The following GMFG variants were observed in gnomAD, a reference collection of about 807,000 sequenced individuals.
GMFG encodes the protein glia maturation factor gamma.
In GMFG, 21 loss-of-function variants were observed where a neutral mutation model predicts 26.1. That is an observed-to-expected ratio of 0.80 (90% CI 0.57 to 1.16). The LOEUF (loss-of-function observed/expected upper bound fraction) is 1.16. Ranked by LOEUF, GMFG falls within the 50% of genes most tolerant of loss-of-function variation. GMFG has a pLI of 0.00. For synonymous variants in GMFG, 65 were observed against 60.8 expected (o/e 1.07, Z -0.32); for missense variants, 161 against 178.3 (o/e 0.90, Z 0.55).
intron 4 of GMFG, among the ~76,000 whole-genome samples, chr19:39,332,656 C>CTT (rs59277772): frequency 0.18 from 19,485 of 111,252 alleles, 3,348 homozygotes; most frequent in African/African-American, 0.35. Flanking sequence ...CACAGAGATT[C>CTT]TTTTTTTTTT....
At chr19:39,329,288 G>A (rs1431005364) in intron 5 of GMFG, among the ~76,000 whole-genome samples, 5 of 152,154 alleles carry the variant, frequency 3.3e-5, no homozygotes, top group Non-Finnish European at 1.5e-5. Flanking sequence ...GGGATTTCTA[G>A]GTGAAAGGAA....
At position 39,333,081 on chromosome 19, in the gene GMFG, G is replaced by T; in HGVS notation, c.196C>A (p.Pro66Thr). 6.3e-7 allele frequency: 1 copy of T among 1,599,142 alleles called. No individual in the cohort carries two copies. Among genetic ancestry groups the T allele is most frequent in the Non-Finnish European group, 8.6e-7 (1 of 1,168,978 alleles). The change falls in exon 4 of 7, where the codon CCC (proline) becomes ACC (threonine). Residue 66 changes from proline (P) to threonine (T), a missense_variant. Transcript: ENST00000597595. The stretch of plus-strand genomic sequence containing the variant: ...CCCTTTCTTCCCCCAGGATACCTGG[G>T]CTGTCTCTCCGGCAACTCCATTTTG... ...ELKMELPERQ[P>T]RFVVYSYKYV...
chr19:39,330,919 T>C (rs1406084717), intron 4 of GMFG, among the ~76,000 whole-genome samples: 1 of 151,268 alleles, frequency 6.6e-6, no homozygotes, highest in African/African-American at 2.4e-5. Context: ...AAAATTTTAG[T>C]AGAAATGGGG....
At chr19:39,333,289 A>T (rs901995365) in intron 3 of GMFG, among the ~76,000 whole-genome samples, 163 bp from the exon 4 acceptor site, 1 of 152,168 alleles carries the variant, frequency 6.6e-6, no homozygotes, top group African/African-American at 2.4e-5. Flanking sequence ...TACTAAAAAT[A>T]CAGAAAATTA....
At chr19:39,330,753 C>A (rs149716842) in intron 4 of GMFG, among the ~76,000 whole-genome samples, 115 of 152,170 alleles carry the variant, frequency 7.6e-4, no homozygotes, top group Non-Finnish European at 1.1e-3. Context: ...CGTGCCACCA[C>A]ATCCAGCTAA....
chr19:39,330,887 A>G (rs1252215579), intron 4 of GMFG, among the ~76,000 whole-genome samples: 1 of 152,062 alleles, frequency 6.6e-6, no homozygotes, highest in Non-Finnish European at 1.5e-5. Flanking sequence ...GGCATGAGCC[A>G]CTGCGCCTGG....
At chr19:39,333,030 ACCCCT>A in intron 4 of GMFG, 42 bp downstream of exon 4, 1 of 1,286,764 alleles carries the variant, frequency 7.8e-7, no homozygotes, top group Non-Finnish European at 1.1e-6. Flanking sequence ...CTCCAACATC[ACCCCT>A]CCCCTCATGG....
intron 3 of GMFG, among the ~76,000 whole-genome samples, chr19:39,333,632 T>C (rs918523026): frequency 6.7e-6 from 1 of 150,314 alleles, no homozygotes; most frequent in South Asian, 2.1e-4. Flanking sequence ...GCACTTACCA[T>C]GTGCCAAGGC....
intron 4 of GMFG, chr19:39,332,827 T>G: frequency 3.5e-6 from 1 of 286,268 alleles, no homozygotes; most frequent in Non-Finnish European, 6.7e-6. Context: ...CCCAGTTAAT[T>G]TTTGTATTTT....
In GMFG at chr19:39,329,665, G is replaced by A. The variant is rs757294166; in HGVS notation, c.201-39C>T. 6.9e-6 allele frequency: 9 copies of A among 1,297,642 alleles called. No individual in the cohort carries two copies. In the Admixed American group the frequency reaches 1.4e-4, roughly 20 times the overall value. The allele number at this position is 1,297,642 out of a possible 1,614,324, so 80.4% of individuals were successfully genotyped here. On this transcript the variant is annotated intron_variant, in intron 4 of 6. Transcript: ENST00000597595. ...GAATTGAAAATCAGGACTCTGGCCT[G>A]CAGCCCAGGCTTAACAGCCATTACC...
At position 39,335,464 on chromosome 19, in the gene GMFG, C is replaced by T. The variant is rs74720893; in HGVS notation, c.71G>A (p.Arg24Gln). Residue 24 changes from arginine to glutamine, a missense_variant, in exon 2 of 7, where the codon CGA (arginine) becomes CAA (glutamine). Arg to Gln is a conservative substitution (Grantham distance 43). Transcript: ENST00000597595. The part of the protein sequence containing the change: ...LTEKLRKFRF[R>Q]KETDNAAIIM... ...GATGGCTGCATTGTCTGTCTCTTTT[C>T]GGAAGCGGAATTTCCTCAGCTTTTC... The T allele has an allele frequency of 5.0e-6, 8 of 1,613,650 alleles. No homozygotes were observed. The highest frequency in any genetic ancestry group is 4.0e-5 in the African/African-American group (3 of 74,910).
intron 1 of GMFG, 44 bp downstream of exon 1, chr19:39,335,930 C>T (rs1295488775): frequency 2.2e-6 from 3 of 1,381,944 alleles, no homozygotes; most frequent in Non-Finnish European, 3.1e-6. Flanking sequence ...GCCCCAGCCC[C>T]AACCCCAGCC....
chr19:39,335,122 A>G, intron 3 of GMFG, 139 bp downstream of exon 3: 2 of 656,226 alleles, frequency 3.0e-6, no homozygotes, highest in South Asian at 4.5e-5. Context: ...AAGTGCTGGG[A>G]TTACAGGCAT....
Position 39,333,116 on chromosome 19 carries a change from G to A in GMFG, c.161C>T (p.Pro54Leu). 1 of 1,596,378 alleles carries A rather than the reference G, an allele frequency of 6.3e-7. No homozygotes were observed. The highest frequency in any genetic ancestry group is 8.6e-7 in the Non-Finnish European group (1 of 1,167,872). Reference protein sequence around the residue: ...VLEEEFQNISPEELKMELPER... With the variant: ...VLEEEFQNISLEELKMELPER... ...CGGCAACTCCATTTTGAGCTCCTCT[G>A]GGGAAATGTTCTGAGGCAAGAAAAC... is the stretch of plus-strand genomic sequence containing the variant. Residue 54 changes from proline (P) to leucine (L), a missense_variant, in exon 4 of 7, where the codon CCA becomes CTA. Transcript: ENST00000597595.
At chr19:39,335,740 C>T (rs1363621022) in intron 1 of GMFG, among the ~76,000 whole-genome samples, 2 of 152,264 alleles carry the variant, frequency 1.3e-5, no homozygotes, top group African/African-American at 2.4e-5. Flanking sequence ...GCTGGGTTCC[C>T]GCCTTCTCCA....
intron 2 of GMFG, 57 bp downstream of exon 2, chr19:39,335,378 C>T: frequency 6.3e-7 from 1 of 1,584,142 alleles, no homozygotes; most frequent in Non-Finnish European, 8.7e-7. Context: ...GCCCAGCCCT[C>T]CCTATCTGCC....
chr19:39,329,168 G>A (rs180923512), intron 5 of GMFG, 95 bp from the exon 6 acceptor site: 10 of 815,412 alleles, frequency 1.2e-5, no homozygotes, highest in African/African-American at 3.4e-5. Flanking sequence ...GCTTGCCAAG[G>A]GTCCTAGGAG....
At position 39,333,045 on chromosome 19, in the gene GMFG, GCC is replaced by G. The variant is rs780598066; in HGVS notation, c.200+30_200+31del. The G allele has an allele frequency of 2.6e-6, 4 of 1,522,746 alleles. No homozygotes were observed. In the Admixed American group the frequency reaches 6.7e-5, roughly 26 times the overall value. The allele number at this position is 1,522,746 out of a possible 1,614,324, so 94.3% of individuals were successfully genotyped here. A position where few individuals can be genotyped will look rare whatever the true frequency, so the allele number is the denominator to read the frequency against. On this transcript the variant is annotated intron_variant, in intron 4 of 6. Transcript: ENST00000597595. ...CTCCAACATCACCCCTCCCCTCATG[GCC>G]TGATCCAACCCTTTCTTCCCCCAGG...
chr19:39,332,193 G>A (rs1316151607), intron 4 of GMFG, among the ~76,000 whole-genome samples: 1 of 151,922 alleles, frequency 6.6e-6, no homozygotes, highest in Admixed American at 6.6e-5. Flanking sequence ...ATCCAGACAT[G>A]GTGGTGGGCC....
Sources: allele counts gnomAD v4.1 joint callset (sites outside exome capture counted in the v4.1 genomes callset), GRCh38; gene constraint gnomAD v4.1.1; transcripts MANE v1.5; gene names NCBI Gene and HGNC (gene_info 2026-07-23, HGNC 2026-07-21).